Variants in TKT observed in about 807,000 individuals in gnomAD.
The protein encoded by TKT is epididymis luminal protein 107.
In TKT, 47 loss-of-function variants were observed where a neutral mutation model predicts 63.9. That is an observed-to-expected ratio of 0.74 (90% CI 0.58 to 0.94). TKT has a LOEUF of 0.94. Among genes scored for constraint, TKT ranks in the 40% least tolerant of loss-of-function variants. The pLI, the probability that TKT is intolerant of heterozygous loss-of-function variation, is 0.00. For missense variants in TKT, 721 were observed against 846.2 expected (o/e 0.85, Z 1.84); for synonymous variants, 338 against 334.1 (o/e 1.01, Z -0.13).
intron 12 of TKT, 151 bp downstream of exon 12, chr3:53,227,905 C>G (rs1281495117): frequency 1.5e-6 from 1 of 682,838 alleles, no homozygotes; most frequent in Non-Finnish European, 2.4e-6. Flanking sequence ...CAAAGGATGG[C>G]TATAATTGCT....
chr3:53,231,224 C>T (rs1454391788), intron 7 of TKT, 133 bp downstream of exon 7: 3 of 982,658 alleles, frequency 3.1e-6, no homozygotes, highest in Non-Finnish European at 4.4e-6. Context: ...ACAGGAACAA[C>T]ACCTCAGGGA....
Position 53,225,369 on chromosome 3 carries a change from C to T in TKT, c.*387G>A, listed in dbSNP as rs1198065127. On this transcript the variant is annotated 3_prime_UTR_variant, in exon 14 of 14. Coordinates refer to ENST00000462138, the MANE Select transcript of TKT (RefSeq NM_001064.4). The stretch of plus-strand genomic sequence containing the variant: ...TTCCAGACTGAGGCAGTTCCCCAGC[C>T]CGCTCAGGGCCAGGTGGACTGAGGT... 5 of 158,902 alleles carry T rather than the reference C, an allele frequency of 3.1e-5. No individual in the cohort carries two copies. Among genetic ancestry groups the T allele is most frequent in the Non-Finnish European group, 6.9e-5 (5 of 72,610 alleles). 9.8% of individuals were successfully genotyped at this position (158,902 alleles called of 1,614,324 possible). A position where few individuals can be genotyped will look rare whatever the true frequency, so the allele number is the denominator to read the frequency against.
chr3:53,244,461 C>T (rs1705422016), intron 1 of TKT, among the ~76,000 whole-genome samples: 2 of 152,202 alleles, frequency 1.3e-5, no homozygotes, highest in African/African-American at 2.4e-5. Context: ...CAGCCGCCAC[C>T]ACTGCCAACC....
chr3:53,239,818 AC>A (rs1200894053), intron 4 of TKT, among the ~76,000 whole-genome samples: 2 of 152,060 alleles, frequency 1.3e-5, no homozygotes, highest in African/African-American at 4.8e-5. Context: ...CCTCCCCTTT[AC>A]CAAGATAAAG....
intron 1 of TKT, among the ~76,000 whole-genome samples, chr3:53,250,974 T>C (rs937548672): frequency 1.3e-5 from 2 of 152,120 alleles, no homozygotes; most frequent in Non-Finnish European, 2.9e-5. Context: ...TCTCACTATG[T>C]TGCCCAGTTT....
intron 1 of TKT, among the ~76,000 whole-genome samples, chr3:53,251,202 C>A (rs925922880): frequency 3.3e-5 from 5 of 152,224 alleles, no homozygotes; most frequent in African/African-American, 1.2e-4. Context: ...CCTGGGGGGA[C>A]TTGTTGAAAG....
chr3:53,230,667 G>C (rs782639758), intron 7 of TKT, 46 bp from the exon 8 acceptor site: 1 of 1,606,966 alleles, frequency 6.2e-7, no homozygotes, highest in South Asian at 1.1e-5. Flanking sequence ...CTGAGGGTGA[G>C]TGCACACCTG....
At chr3:53,230,753 G>A (rs1704718930) in intron 7 of TKT, 132 bp from the exon 8 acceptor site, 2 of 1,124,242 alleles carry the variant, frequency 1.8e-6, no homozygotes, top group Non-Finnish European at 2.5e-6. Flanking sequence ...AGGTCCTGCA[G>A]AGGCTTTTAA....
intron 1 of TKT, among the ~76,000 whole-genome samples, chr3:53,254,193 T>G (rs1379488270): frequency 6.6e-6 from 1 of 152,194 alleles, no homozygotes; most frequent in East Asian, 1.9e-4. Flanking sequence ...GCTGCCTCTC[T>G]CCAGCTAGAC....
intron 1 of TKT, among the ~76,000 whole-genome samples, chr3:53,246,798 C>A (rs1480354474): frequency 6.6e-6 from 1 of 151,408 alleles, no homozygotes; most frequent in African/African-American, 2.4e-5. Flanking sequence ...TTGAAGTGAG[C>A]CGAGATGGCG....
chr3:53,244,445 C>G (rs1280881056), intron 1 of TKT, among the ~76,000 whole-genome samples: 2 of 152,180 alleles, frequency 1.3e-5, no homozygotes, highest in African/African-American at 2.4e-5. Flanking sequence ...GTACCCAGGT[C>G]TCTAGCAGCC....
At chr3:53,239,770 G>T (rs952129769) in intron 4 of TKT, among the ~76,000 whole-genome samples, 2 of 152,166 alleles carry the variant, frequency 1.3e-5, no homozygotes, top group African/African-American at 4.8e-5. Flanking sequence ...GATAGGAGGT[G>T]GCTTACAGGT....
intron 1 of TKT, among the ~76,000 whole-genome samples, chr3:53,249,308 T>C (rs186281849): frequency 1.2e-3 from 182 of 151,324 alleles, no homozygotes; most frequent in African/African-American, 4.3e-3. Context: ...CCTGGAGCAG[T>C]GGCTCACGCC....
intron 8 of TKT, among the ~76,000 whole-genome samples, 158 bp from the exon 9 acceptor site, chr3:53,229,594 C>T (rs781821059): frequency 1.4e-4 from 22 of 152,098 alleles, no homozygotes; most frequent in Non-Finnish European, 2.2e-4. Flanking sequence ...CTGCAGAGAC[C>T]GGTCCTCCCA....
In TKT at chr3:53,240,294, C is replaced by A. The variant is rs149848626; in HGVS notation, c.394G>T (p.Ala132Ser). The change falls in exon 4 of 14, where the codon GCT becomes TCT. Residue 132 changes from alanine to serine, a missense_variant. Coordinates refer to ENST00000462138, the MANE Select transcript of TKT (RefSeq NM_001064.4). The part of the protein sequence containing the change: ...TGSLGQGLGA[A>S]CGMAYTGKYF... ...TTGCCGGTGTAGGCCATCCCACAAG[C>A]GGCCCCGAGGCCCTGGCCCAGGGAG... 5 of 1,613,278 alleles carry A rather than the reference C, an allele frequency of 3.1e-6. No individual in the cohort carries two copies. The highest frequency in any genetic ancestry group is 1.3e-5 in the African/African-American group (1 of 74,914).
At chr3:53,236,921 G>C (rs1474473492) in intron 4 of TKT, among the ~76,000 whole-genome samples, 1 of 152,196 alleles carries the variant, frequency 6.6e-6, no homozygotes, top group Non-Finnish European at 1.5e-5. Context: ...GTTAGGGGTG[G>C]GGGGCTGCAA....
chr3:53,243,430 ACGCCGCCAGCCTCC>A (rs564349382), intron 1 of TKT, among the ~76,000 whole-genome samples: 3 of 152,214 alleles, frequency 2.0e-5, no homozygotes, highest in East Asian at 3.9e-4. Context: ...TCTGGAGCTC[ACGCCGCCAGCCTCC>A]CGCCCCTCCA....
rs375479949 is a variant in TKT at position 53,230,393 on chromosome 3, C to G, written c.1107+64G>C. The G allele has an allele frequency of 1.9e-6, 3 of 1,602,894 alleles. No homozygotes were observed. In the East Asian group the frequency reaches 6.7e-5, roughly 36 times the overall value. On this transcript the variant is annotated intron_variant, in intron 8 of 13. Transcript: ENST00000462138. ...CCTGGCTCTGCCAACATGGCTGCCC[C>G]GCACCCCTCAGACCACAGCCCTCAG...
At position 53,237,495 on chromosome 3, in the gene TKT, T is replaced by TACACACACAC. The variant is rs3075727; in HGVS notation, c.438-2331_438-2322dup. On this transcript the variant is annotated intron_variant, in intron 4 of 13. Coordinates refer to ENST00000462138, the MANE Select transcript of TKT (RefSeq NM_001064.4). ...AAGTGTAATACTAGATTTTATATTA[T>TACACACACAC]ACACACACACACACACACACACACA... Among the ~76,000 whole-genome samples the TACACACACAC allele has an allele frequency of 1.6e-3, 236 of 144,894 alleles. 3 individuals carry two copies. Among genetic ancestry groups the TACACACACAC allele is most frequent in the East Asian group, 6.0e-3 (29 of 4,868 alleles).
Sources: allele counts gnomAD v4.1 joint callset (sites outside exome capture counted in the v4.1 genomes callset), GRCh38; gene constraint gnomAD v4.1.1; transcripts MANE v1.5; gene names NCBI Gene and HGNC (gene_info 2026-07-23, HGNC 2026-07-21).